The following GLIS3 variants were observed in gnomAD, a reference collection of about 807,000 sequenced individuals.
GLIS3 encodes GLIS family zinc finger 3.
In GLIS3, 53 loss-of-function variants were observed where a neutral mutation model predicts 78.6. The ratio of observed to expected loss-of-function variants is 0.67; its 90% confidence interval spans 0.54 to 0.85. GLIS3 has a LOEUF of 0.85. GLIS3 is among the 40% of genes least tolerant of loss of function. The probability of loss-of-function intolerance (pLI) is 0.00; values close to 1 mark genes in which losing one functional copy is unlikely to be tolerated. For synonymous variants in GLIS3, 684 were observed against 509.9 expected (o/e 1.34, Z -4.60); for missense variants, 1,703 against 1,231.1 (o/e 1.38, Z -5.74).
chr9:4,384,762 G>A, the GLIS3 span, among the ~76,000 whole-genome samples: 4 of 151,812 alleles, frequency 2.6e-5, no homozygotes, highest in Non-Finnish European at 4.4e-5. Context: ...CCAGAGTCAC[G>A]TGTCTTCCTC....
intron 8 of GLIS3, among the ~76,000 whole-genome samples, chr9:3,868,036 G>C (rs867338034): frequency 4.6e-5 from 7 of 152,242 alleles, no homozygotes; most frequent in African/African-American, 4.8e-5. Flanking sequence ...TGATAAAAAT[G>C]GTTATTTGAG....
intron 4 of GLIS3, among the ~76,000 whole-genome samples, chr9:4,080,402 A>T (rs1828454078): frequency 6.6e-6 from 1 of 152,164 alleles, no homozygotes; most frequent in Non-Finnish European, 1.5e-5. Context: ...AAACATTTTG[A>T]TGCAGTATTT....
chr9:3,902,201 GA>G (rs1823356432), intron 6 of GLIS3, among the ~76,000 whole-genome samples: 1 of 152,196 alleles, frequency 6.6e-6, no homozygotes, highest in Non-Finnish European at 1.5e-5. Context: ...CATGGTTCTA[GA>G]AAGGGCTTCT....
intron 2 of GLIS3, among the ~76,000 whole-genome samples, chr9:4,159,029 AGAAG>A: frequency 1.6e-5 from 1 of 63,666 alleles, no homozygotes; most frequent in South Asian, 7.8e-4. Flanking sequence ...AGAAAGGAGA[AGAAG>A]AAAAAAAAAA....
chr9:4,164,247 C>A (rs908112586), intron 2 of GLIS3, among the ~76,000 whole-genome samples: 1 of 152,184 alleles, frequency 6.6e-6, no homozygotes, highest in Admixed American at 6.5e-5. Context: ...CTCAGGAAGG[C>A]AAACCCTGGG....
At chr9:3,871,924 T>C (rs1820994795) in intron 8 of GLIS3, among the ~76,000 whole-genome samples, 1 of 152,234 alleles carries the variant, frequency 6.6e-6, no homozygotes, top group African/African-American at 2.4e-5. Flanking sequence ...TGCAAATTTT[T>C]CAAACTTCTA....
At chr9:4,098,602 T>C (rs1830137051) in intron 4 of GLIS3, among the ~76,000 whole-genome samples, 1 of 152,222 alleles carries the variant, frequency 6.6e-6, no homozygotes, top group Non-Finnish European at 1.5e-5. Flanking sequence ...ATCCTACAAC[T>C]GTGCCTTAAA....
chr9:4,472,406 A>C, the GLIS3 span, among the ~76,000 whole-genome samples: 1 of 152,270 alleles, frequency 6.6e-6, no homozygotes, highest in Admixed American at 6.5e-5. Context: ...GCACATATAC[A>C]TCATGGAATA....
At chr9:4,426,057 A>C in the GLIS3 span, among the ~76,000 whole-genome samples, 1 of 152,174 alleles carries the variant, frequency 6.6e-6, no homozygotes, top group African/African-American at 2.4e-5. Context: ...ATGCAATGCA[A>C]AACTTGGCCC....
chr9:4,307,368 A>G lies in GLIS3; in HGVS notation n.584+1409T>C, dbSNP rs191955726. Among the ~76,000 whole-genome samples, 59 of 152,274 alleles carry G rather than the reference A, an allele frequency of 3.9e-4. 3 individuals carry two copies. In the East Asian group the frequency reaches 8.9e-3, roughly 23 times the overall value. On this transcript the variant is annotated intron_variant and non_coding_transcript_variant, in intron 4 of 4. Coordinates refer to the GLIS3 transcript ENST00000471664. ...ATACATGTAATGACCTGTTTATACG[A>G]CGCTACCGTGATACTGAACTTCCTG...
intron 4 of GLIS3, among the ~76,000 whole-genome samples, chr9:4,078,095 G>A (rs1249050150): frequency 6.6e-6 from 1 of 152,004 alleles, no homozygotes; most frequent in Admixed American, 6.6e-5. Context: ...CCCATTGCTG[G>A]AGCTAAGTAA....
At chr9:4,226,856 T>G (rs1232583063) in intron 2 of GLIS3, among the ~76,000 whole-genome samples, 1 of 152,184 alleles carries the variant, frequency 6.6e-6, no homozygotes, top group Non-Finnish European at 1.5e-5. Flanking sequence ...CAGTAAGTGG[T>G]GGCAATTATT....
intron 2 of GLIS3, among the ~76,000 whole-genome samples, chr9:4,278,309 C>T (rs1021647763): frequency 2.6e-5 from 4 of 152,172 alleles, no homozygotes; most frequent in Non-Finnish European, 5.9e-5. Flanking sequence ...CCAGATATTC[C>T]CCACTAAGAG....
intron 2 of GLIS3, among the ~76,000 whole-genome samples, chr9:4,164,994 T>C (rs1418745399): frequency 1.3e-5 from 2 of 152,214 alleles, no homozygotes; most frequent in Non-Finnish European, 2.9e-5. Flanking sequence ...TATCATGCTT[T>C]GCTTTGGTAC....
At chr9:3,955,453 G>A (rs1165719920) in intron 4 of GLIS3, among the ~76,000 whole-genome samples, 1 of 152,150 alleles carries the variant, frequency 6.6e-6, no homozygotes, top group Non-Finnish European at 1.5e-5. Flanking sequence ...GCCTGAGAAG[G>A]AATTTCTGCC....
intron 8 of GLIS3, among the ~76,000 whole-genome samples, chr9:3,860,390 T>C (rs1025677294): frequency 2.0e-5 from 3 of 151,788 alleles, no homozygotes; most frequent in African/African-American, 7.3e-5. Context: ...TTTGGGGGTA[T>C]TTACTTGGCC....
rs1308304839 is a variant in GLIS3 at position 4,316,878 on chromosome 9, A to G, written n.265-6350T>C. 1.5e-4 allele frequency among the ~76,000 whole-genome samples: 23 copies of G among 148,920 alleles called. No homozygotes were observed. The Admixed American group carries it at 1.6e-3, about 10-fold the overall frequency. On this transcript the variant is annotated intron_variant and non_coding_transcript_variant, in intron 2 of 4. Coordinates refer to the GLIS3 transcript ENST00000471664. The stretch of plus-strand genomic sequence containing the variant: ...AGTGTTGGTGATCTTTATTTAGAAG[A>G]AGTTTTTGTGACCAGAAAAACCATC...
At chr9:4,279,322 TATAC>T (rs1373742654) in intron 2 of GLIS3, among the ~76,000 whole-genome samples, 75 of 51,964 alleles carry the variant, frequency 1.4e-3, no homozygotes, top group Non-Finnish European at 1.6e-3. Flanking sequence ...AAAATATATA[TATAC>T]ACACACACAC....
At chr9:3,983,737 A>G (rs769607634) in intron 4 of GLIS3, among the ~76,000 whole-genome samples, 17 of 152,100 alleles carry the variant, frequency 1.1e-4, no homozygotes, top group Non-Finnish European at 1.0e-4. Context: ...GAGGGAGATG[A>G]TTTAGGGTAT....
Sources: allele counts gnomAD v4.1 joint callset (sites outside exome capture counted in the v4.1 genomes callset), GRCh38; gene constraint gnomAD v4.1.1; transcripts MANE v1.5; gene names NCBI Gene and HGNC (gene_info 2026-07-23, HGNC 2026-07-21).